ABCB1: variants seen among roughly 807,000 people sequenced by gnomAD.
ABCB1 encodes the protein ATP binding cassette subfamily B member 1.
ABCB1 carries 69 observed loss-of-function variants against 142.0 expected under a neutral mutation model. That is an observed-to-expected ratio of 0.49 (90% confidence interval 0.40 to 0.59). The LOEUF is 0.59. Among genes scored for constraint, ABCB1 ranks in the 20% least tolerant of loss-of-function variants. ABCB1 has a pLI of 0.00. For missense variants in ABCB1, 1,326 were observed against 1,554.7 expected (o/e 0.85, Z 2.47); for synonymous variants, 532 against 539.2 (o/e 0.99, Z 0.18).
chr7:87,628,902 C>A lies in ABCB1; in HGVS notation c.-330-27824G>T, dbSNP rs756278870. ...AGGCGGCAAGAAAAGCCTGAGCGCC[C>A]GCAATGCTGCGGTGGAGAGGAGGAA... On this transcript the variant is annotated intron_variant, in intron 1 of 28. Coordinates refer to the ABCB1 transcript ENST00000265724. 1.5e-6 allele frequency: 2 copies of A among 1,306,856 alleles called. No individual in the cohort carries two copies. The highest frequency in any genetic ancestry group is 3.3e-5 in the South Asian group (1 of 30,070). 81.0% of individuals were successfully genotyped at this position (1,306,856 alleles called of 1,614,324 possible).
chr7:87,539,222 A>C (rs930179919), intron 19 of ABCB1, 46 bp downstream of exon 19: 16 of 1,570,570 alleles, frequency 1.0e-5, no homozygotes, highest in Non-Finnish European at 1.4e-5. Flanking sequence ...AGGGGCACAC[A>C]TGGGGAGTTC....
rs781320202 is a variant in ABCB1 at position 87,509,289 on chromosome 7, C to T, written c.3475G>A (p.Glu1159Lys). ...GAGAGACTTACATTAGGCAGTGACT[C>T]GATGAAGGCATGTATGTTGGCCTCC... ...AKEANIHAFI[E>K]SLPNKYSTKV... The change falls in exon 26 of 28, where the codon GAG (glutamate) becomes AAG (lysine). Residue 1159 changes from glutamate (E) to lysine (K), a missense_variant. By Grantham distance (56) the Glu-to-Lys change is moderately conservative. Transcript: ENST00000622132. 9 of 1,614,020 alleles carry T rather than the reference C, an allele frequency of 5.6e-6. No individual in the cohort carries two copies. In the African/African-American group the frequency reaches 6.7e-5, roughly 12 times the overall value.
At chr7:87,550,925 G>A in intron 9 of ABCB1, 87 bp from the exon 10 acceptor site, 2 of 817,824 alleles carry the variant, frequency 2.4e-6, no homozygotes, top group Admixed American at 3.8e-5. Flanking sequence ...TCTAACATAG[G>A]TAATTAAAAT....
Position 87,532,480 on chromosome 7 carries a change from C to T in ABCB1, c.2482-983G>A, listed in dbSNP as rs1019330360. On this transcript the variant is annotated intron_variant, in intron 20 of 27. Coordinates refer to ENST00000622132, the MANE Select transcript of ABCB1 (RefSeq NM_001348946.2). Reference sequence around the variant, plus strand: ...ATCAAGATGGTGACAAAAGTGACCTCTGGTTGTTCTCACTGCTCATTATAC... The same window carrying T: ...ATCAAGATGGTGACAAAAGTGACCTTTGGTTGTTCTCACTGCTCATTATAC... Among the ~76,000 whole-genome samples the T allele has an allele frequency of 2.6e-5, 4 of 152,304 alleles. No individual in the cohort carries two copies. The East Asian group carries it at 7.7e-4, about 29-fold the overall frequency.
Position 87,570,188 on chromosome 7 carries a change from C to T in ABCB1, c.322G>A (p.Glu108Lys). 6.2e-7 allele frequency: 1 copy of T among 1,613,018 alleles called. No individual in the cohort carries two copies. Among genetic ancestry groups the T allele is most frequent in the Non-Finnish European group, 8.5e-7 (1 of 1,179,436 alleles). The change falls in exon 5 of 28, where the codon GAG becomes AAG. Residue 108 changes from glutamate to lysine, a missense_variant. Physicochemically the swap from Glu to Lys is moderately conservative, Grantham distance 56. Transcript: ENST00000622132. Reference sequence around the variant, plus strand: ...TCTAATTACCTGGTCATGTCTTCCTCCAGATTCATGAAGAACCCTGTATCA... The same window carrying T: ...TCTAATTACCTGGTCATGTCTTCCTTCAGATTCATGAAGAACCCTGTATCA... ...INDTGFFMNL[E>K]EDMTRYAYYY...
At chr7:87,588,096 C>T (rs1030014375) in intron 3 of ABCB1, among the ~76,000 whole-genome samples, 1 of 151,488 alleles carries the variant, frequency 6.6e-6, no homozygotes, top group Non-Finnish European at 1.5e-5. Flanking sequence ...AAAGTGAGTA[C>T]TAATTTTCCA....
chr7:87,594,803 CTGT>C (rs1819129048), intron 3 of ABCB1, among the ~76,000 whole-genome samples: 1 of 152,146 alleles, frequency 6.6e-6, no homozygotes, highest in Non-Finnish European at 1.5e-5. Flanking sequence ...AGTCACATGA[CTGT>C]TTTTTCCCTA....
intron 4 of ABCB1, among the ~76,000 whole-genome samples, chr7:87,571,501 GA>G (rs1417586750): frequency 6.6e-6 from 1 of 151,998 alleles, no homozygotes; most frequent in African/African-American, 2.4e-5. Flanking sequence ...AATGAGAATA[GA>G]AAAGAAAGCA....
chr7:87,579,435 T>C (rs981034959), intron 4 of ABCB1, among the ~76,000 whole-genome samples: 1 of 152,218 alleles, frequency 6.6e-6, no homozygotes, highest in Non-Finnish European at 1.5e-5. Flanking sequence ...GTGAATTTTA[T>C]CAAAGGCCTT....
At position 87,651,212 on chromosome 7, in the gene ABCB1, G is replaced by A. The variant is rs187710075; in HGVS notation, c.-330-50134C>T. On this transcript the variant is annotated intron_variant, in intron 1 of 28. Transcript: ENST00000265724. ...ATAAAAGCTTAAATTGAAAGGAAGC[G>A]CATCCCAAAGGTTACTAGATGGTGT... Among the ~76,000 whole-genome samples, 92 of 152,186 alleles carry A rather than the reference G, an allele frequency of 6.0e-4. No homozygotes were observed. The East Asian group carries it at 0.014, about 24-fold the overall frequency.
chr7:87,571,582 T>C (rs1422904250), intron 4 of ABCB1, among the ~76,000 whole-genome samples: 3 of 151,890 alleles, frequency 2.0e-5, no homozygotes, highest in Non-Finnish European at 4.4e-5. Context: ...GTAGAGAGAG[T>C]AAAAATTTTA....
chr7:87,602,676 G>A (rs1200924779), upstream of ABCB1, among the ~76,000 whole-genome samples: 1 of 151,942 alleles, frequency 6.6e-6, no homozygotes, highest in Non-Finnish European at 1.5e-5. Flanking sequence ...TTGAGCATCA[G>A]GTAAAGATCT....
At chr7:87,517,228 C>T (rs1262913060) in intron 23 of ABCB1, among the ~76,000 whole-genome samples, 1 of 152,072 alleles carries the variant, frequency 6.6e-6, no homozygotes, top group African/African-American at 2.4e-5. Flanking sequence ...TTTGCAGCAC[C>T]CTTTGAATCT....
At chr7:87,576,158 C>CT (rs199634434) in intron 4 of ABCB1, among the ~76,000 whole-genome samples, 2,938 of 149,736 alleles carry the variant, frequency 0.02, 90 homozygotes, top group African/African-American at 0.059. Flanking sequence ...GTATATTGAT[C>CT]TTTTTTTTTT....
chr7:87,700,675 G>A (rs879237119), intron 1 of ABCB1: 58 of 850,936 alleles, frequency 6.8e-5, no homozygotes, highest in Middle Eastern at 5.6e-4. Flanking sequence ...AATAAAATAC[G>A]TCCTGTTCTG....
At chr7:87,620,846 T>G (rs1234718385) in intron 1 of ABCB1, among the ~76,000 whole-genome samples, 1 of 152,090 alleles carries the variant, frequency 6.6e-6, no homozygotes, top group Admixed American at 6.6e-5. Flanking sequence ...AATAAATACA[T>G]GTTAAAAGGT....
In ABCB1 at chr7:87,504,258, T is replaced by C. The variant is rs202087295; in HGVS notation, c.3828A>G (p.Gly1276=). 32 of 1,614,126 alleles carry C rather than the reference T, an allele frequency of 2.0e-5. No individual in the cohort carries two copies. Among genetic ancestry groups the C allele is most frequent in the Middle Eastern group, 3.3e-4 (2 of 5,988 alleles). ...IYFSMVSVQA[G]TKRQ The stretch of plus-strand genomic sequence containing the variant: ...CAGTCAGAGTTCACTGGCGCTTTGT[T>C]CCAGCCTGGACACTGACCATTGAAA... The change falls in exon 28 of 28, where the codon GGA becomes GGG. Residue 1276 remains glycine, a synonymous_variant. Transcript: ENST00000622132.
At chr7:87,580,128 A>G (rs1818448932) in intron 4 of ABCB1, among the ~76,000 whole-genome samples, 1 of 152,088 alleles carries the variant, frequency 6.6e-6, no homozygotes, top group African/African-American at 2.4e-5. Context: ...CTGAGTACTT[A>G]TTATTACCAG....
chr7:87,639,313 G>A (rs1308622927), intron 1 of ABCB1, among the ~76,000 whole-genome samples: 1 of 152,200 alleles, frequency 6.6e-6, no homozygotes, highest in Non-Finnish European at 1.5e-5. Context: ...TTATGATGCA[G>A]TATATGGTTA....
Sources: gnomAD v4.1 joint callset for allele counts (sites outside exome capture counted in the v4.1 genomes callset) on GRCh38, gnomAD v4.1.1 for gene constraint, MANE v1.5 for transcripts, NCBI Gene and HGNC (gene_info 2026-07-23, HGNC 2026-07-21) for gene names.